Variants in SMG7 observed in about 807,000 individuals in gnomAD.
The protein encoded by SMG7 is SMG7 nonsense mediated mRNA decay factor, also known as nonsense-mediated mRNA decay factor SMG7.
SMG7 carries 34 observed loss-of-function variants against 148.2 expected under a neutral mutation model. That is an observed-to-expected ratio of 0.23 (90% CI 0.17 to 0.31). The LOEUF (loss-of-function observed/expected upper bound fraction) is 0.31. Among genes scored for constraint, SMG7 ranks in the 10% least tolerant of loss-of-function variants. SMG7 has a pLI of 1.00. For synonymous variants in SMG7, 492 were observed against 515.1 expected, an observed-to-expected ratio of 0.96 and a Z score of 0.61; for missense variants, 1,114 against 1,408.4, an observed-to-expected ratio of 0.79 and a Z score of 3.35.
chr1:183,510,005 T>G (rs1326889395), intron 1 of SMG7, among the ~76,000 whole-genome samples: 1 of 152,188 alleles, frequency 6.6e-6, no homozygotes, highest in African/African-American at 2.4e-5. Flanking sequence ...TGACTGGAAG[T>G]TGGTAACATC....
intron 4 of SMG7, among the ~76,000 whole-genome samples, chr1:183,524,420 C>T (rs1665411712): frequency 6.6e-6 from 1 of 152,158 alleles, no homozygotes; most frequent in Non-Finnish European, 1.5e-5. Flanking sequence ...CATGCCTGGC[C>T]TTGTTTACCC....
intron 20 of SMG7, among the ~76,000 whole-genome samples, chr1:183,550,348 G>T (rs1024961333): frequency 1.8e-4 from 27 of 152,124 alleles, no homozygotes; most frequent in Admixed American, 9.2e-4. Context: ...GGGACTACAG[G>T]TGCACACCAC....
At position 183,494,369 on chromosome 1, in the gene SMG7, T is replaced by G. The variant is rs938755819; in HGVS notation, c.30-18468T>G. The stretch of plus-strand genomic sequence containing the variant: ...ATTTAGGGGACTTTTTTGGTTTTTG[T>G]TTTTTTTTTCTTAAAACAATAAATT... On this transcript the variant is annotated intron_variant, in intron 1 of 22. Transcript: ENST00000688051. Among the ~76,000 whole-genome samples the G allele has an allele frequency of 5.6e-5, 8 of 143,698 alleles. No individual in the cohort carries two copies. The South Asian group carries it at 6.4e-4, about 11-fold the overall frequency. The allele number at this position is 143,698 out of a possible 152,430, so 94.3% of individuals were successfully genotyped here.
At chr1:183,533,645 T>C in intron 9 of SMG7, 31 bp from the exon 10 acceptor site, 1 of 1,587,436 alleles carries the variant, frequency 6.3e-7, no homozygotes, top group Non-Finnish European at 8.6e-7. Context: ...TTCATATTTC[T>C]TATGCTTTTT....
At chr1:183,479,505 G>A (rs1047044546) in intron 1 of SMG7, among the ~76,000 whole-genome samples, 4 of 152,058 alleles carry the variant, frequency 2.6e-5, no homozygotes, top group Non-Finnish European at 1.5e-5. Flanking sequence ...CACTGCATGG[G>A]TTCATTTTCT....
intron 1 of SMG7, among the ~76,000 whole-genome samples, chr1:183,490,036 G>C (rs1215236445): frequency 6.6e-6 from 1 of 152,136 alleles, no homozygotes; most frequent in African/African-American, 2.4e-5. Flanking sequence ...CAGCAATCTG[G>C]GTGATCCAGG....
chr1:183,501,789 C>T (rs1350255639), intron 1 of SMG7, among the ~76,000 whole-genome samples: 6 of 152,194 alleles, frequency 3.9e-5, no homozygotes, highest in African/African-American at 1.2e-4. Context: ...AAATGAGAAT[C>T]GAAAAACGTG....
chr1:183,481,956 A>G lies in SMG7; in HGVS notation c.29+9307A>G, dbSNP rs575398200. Among the ~76,000 whole-genome samples the G allele has an allele frequency of 1.1e-4, 16 of 152,244 alleles. No homozygotes were observed. In the South Asian group the frequency reaches 3.3e-3, roughly 32 times the overall value. The stretch of plus-strand genomic sequence containing the variant: ...AGCCTCCCAAGTTGCTTAGATTTAT[A>G]GCCATGAGCCACCATTCCCTGTGGG... On this transcript the variant is annotated intron_variant, in intron 1 of 22. Transcript: ENST00000688051.
chr1:183,488,595 C>T (rs1408427061), intron 1 of SMG7, among the ~76,000 whole-genome samples: 1 of 151,922 alleles, frequency 6.6e-6, no homozygotes, highest in African/African-American at 2.4e-5. Context: ...CTAGTGACTG[C>T]CATATTGGAT....
rs143204937 is a variant in SMG7 at position 183,544,511 on chromosome 1, G to A, written c.1987+14G>A. 0.011 allele frequency: 17,532 copies of A among 1,611,024 alleles called. 260 individuals are homozygous for A. Among genetic ancestry groups the A allele is most frequent in the Admixed American group, 0.062 (3,684 of 59,506 alleles). On this transcript the variant is annotated intron_variant, in intron 15 of 22. Coordinates refer to ENST00000688051, the MANE Select transcript of SMG7 (RefSeq NM_001375584.1). ...CCAGCAGGCCAGGTAAATATGTTTT[G>A]TAATTTCTTCTACTTAATCTTTTCT...
At chr1:183,491,885 T>C (rs1657127230) in intron 1 of SMG7, among the ~76,000 whole-genome samples, 1 of 152,208 alleles carries the variant, frequency 6.6e-6, no homozygotes, top group Non-Finnish European at 1.5e-5. Context: ...ACCTTGTTGC[T>C]GCCTTCTCTA....
At chr1:183,489,489 G>A (rs1249489612) in intron 1 of SMG7, among the ~76,000 whole-genome samples, 1 of 152,140 alleles carries the variant, frequency 6.6e-6, no homozygotes, top group Non-Finnish European at 1.5e-5. Context: ...GTGGGAGAGA[G>A]ATTGATTCAT....
intron 4 of SMG7, among the ~76,000 whole-genome samples, chr1:183,521,032 TATG>T (rs1191425913): frequency 1.3e-5 from 2 of 152,034 alleles, no homozygotes; most frequent in Non-Finnish European, 1.5e-5. Context: ...ATTTTCACAT[TATG>T]ATATCAGTTA....
chr1:183,526,559 G>GTT, intron 4 of SMG7, 37 bp from the exon 5 acceptor site: 1 of 1,447,886 alleles, frequency 6.9e-7, no homozygotes, highest in South Asian at 1.2e-5. Context: ...TAGAGCACTT[G>GTT]TGACTTACTA....
intron 1 of SMG7, 44 bp from the exon 2 acceptor site, chr1:183,512,793 T>C: frequency 1.3e-6 from 2 of 1,557,100 alleles, no homozygotes; most frequent in Admixed American, 2.0e-5. Context: ...GCCTCGTTTG[T>C]TTCTAACTGA....
chr1:183,512,530 A>G, intron 1 of SMG7, among the ~76,000 whole-genome samples: 1 of 152,156 alleles, frequency 6.6e-6, no homozygotes, highest in East Asian at 1.9e-4. Flanking sequence ...AGTTAATATC[A>G]TTTAATATTA....
At chr1:183,514,234 GAATT>G (rs1488733606) in intron 2 of SMG7, among the ~76,000 whole-genome samples, 1 of 129,286 alleles carries the variant, frequency 7.7e-6, no homozygotes, top group Non-Finnish European at 1.7e-5. Context: ...AAAAAAAAAA[GAATT>G]AAACAGCATA....
At position 183,546,306 on chromosome 1, in the gene SMG7, A is replaced by G; in HGVS notation, c.2711A>G (p.Glu904Gly). ...GKRSPGVFRP[E>G]QDPVPRMPFE... is the part of the protein sequence containing the mutation. ...CGGTCACCAGGAGTCTTCCGTCCAG[A>G]GCAGGATCCTGTACCCAGAATGCCG... Residue 904 changes from glutamate to glycine, a missense_variant, in exon 17 of 23, where the codon GAG becomes GGG. Around this residue, in one of 4 missense-constraint regions of SMG7, gnomAD observed 788 missense variants for 894.5 expected, o/e 0.88. Coordinates refer to ENST00000688051, the MANE Select transcript of SMG7 (RefSeq NM_001375584.1). 1 of 1,613,694 alleles carries G rather than the reference A, an allele frequency of 6.2e-7. No homozygotes were observed. Among genetic ancestry groups the G allele is most frequent in the Non-Finnish European group, 8.5e-7 (1 of 1,179,736 alleles).
chr1:183,472,674 C>T, intron 1 of SMG7, 25 bp downstream of exon 1: 5 of 1,458,258 alleles, frequency 3.4e-6, no homozygotes, highest in Non-Finnish European at 4.6e-6. Context: ...CGGGCTGGTA[C>T]GTAGGGGGAG....
Sources: gnomAD v4.1 joint callset for allele counts (sites outside exome capture counted in the v4.1 genomes callset) on GRCh38, gnomAD v4.1.1 for gene constraint, gnomAD v4.1.1 regional missense constraint, MANE v1.5 for transcripts, NCBI Gene and HGNC (gene_info 2026-07-23, HGNC 2026-07-21) for gene names.